Variants in HECW2 observed in about 807,000 individuals in gnomAD.
HECW2 encodes the protein E3 ubiquitin-protein ligase HECW2.
HECW2 carries 61 observed loss-of-function variants against 175.2 expected under a neutral mutation model. The ratio of observed to expected loss-of-function variants is 0.35; its 90% CI spans 0.28 to 0.43. The LOEUF is 0.43. Ranked by LOEUF, HECW2 falls within the 20% of genes least tolerant of loss-of-function variation. The pLI, the probability that HECW2 is intolerant of heterozygous loss-of-function variation, is 1.00. For missense variants in HECW2, 1,524 were observed against 2,000.5 expected (o/e 0.76, Z 4.54); for synonymous variants, 671 against 731.0 (o/e 0.92, Z 1.32).
At chr2:196,339,383 C>T (rs1398360302) in intron 3 of HECW2, among the ~76,000 whole-genome samples, 1 of 152,208 alleles carries the variant, frequency 6.6e-6, no homozygotes, top group Admixed American at 6.5e-5. Flanking sequence ...TTTCCCAGGG[C>T]TGGGATGGGT....
chr2:196,512,832 G>T (rs1688000890), intron 1 of HECW2, among the ~76,000 whole-genome samples: 1 of 151,926 alleles, frequency 6.6e-6, no homozygotes, highest in African/African-American at 2.4e-5. Flanking sequence ...TGGGATTACA[G>T]GTGCACACCA....
intron 16 of HECW2, among the ~76,000 whole-genome samples, chr2:196,272,098 G>C (rs1345239051): frequency 1.3e-5 from 2 of 152,156 alleles, no homozygotes; most frequent in African/African-American, 2.4e-5. Context: ...AGCCAGGGAG[G>C]TAAAGAGGCA....
intron 1 of HECW2, among the ~76,000 whole-genome samples, chr2:196,492,439 A>G (rs1183115736): frequency 2.6e-5 from 4 of 152,182 alleles, no homozygotes. Flanking sequence ...GAATGCCCAA[A>G]CCTGCAACAA....
At chr2:196,585,899 A>G (rs148451251) in intron 1 of HECW2, among the ~76,000 whole-genome samples, 1 of 152,290 alleles carries the variant, frequency 6.6e-6, no homozygotes, top group Non-Finnish European at 1.5e-5. Context: ...GAAAGATCAT[A>G]TCCAACTGTC....
intron 1 of HECW2, among the ~76,000 whole-genome samples, chr2:196,513,492 A>G (rs896533661): frequency 2.0e-5 from 3 of 152,232 alleles, no homozygotes; most frequent in Non-Finnish European, 4.4e-5. Context: ...CCTGGGTGAC[A>G]GAGTGAGACC....
intron 1 of HECW2, among the ~76,000 whole-genome samples, chr2:196,497,142 C>T (rs760746873): frequency 3.5e-4 from 54 of 152,176 alleles, no homozygotes; most frequent in Non-Finnish European, 5.4e-4. Context: ...AATCCCAATT[C>T]TAAGATCTAT....
chr2:196,495,378 A>G (rs1356981010), intron 1 of HECW2, among the ~76,000 whole-genome samples: 1 of 152,074 alleles, frequency 6.6e-6, no homozygotes, highest in Non-Finnish European at 1.5e-5. Context: ...CACTCTTTAT[A>G]CTAGAAACCC....
At chr2:196,558,703 C>A (rs1055493498) in intron 1 of HECW2, among the ~76,000 whole-genome samples, 4 of 152,212 alleles carry the variant, frequency 2.6e-5, no homozygotes, top group Non-Finnish European at 5.9e-5. Context: ...GGCTCTGATC[C>A]AGCTGATGAA....
At chr2:196,472,226 G>A (rs1020666514) in intron 1 of HECW2, among the ~76,000 whole-genome samples, 1 of 152,070 alleles carries the variant, frequency 6.6e-6, no homozygotes, top group African/African-American at 2.4e-5. Context: ...GCTCATGCCT[G>A]TAATCCCAGC....
intron 4 of HECW2, among the ~76,000 whole-genome samples, chr2:196,333,568 T>A (rs10439320): frequency 0.015 from 2,140 of 146,076 alleles, 59 homozygotes; most frequent in African/African-American, 0.056. Context: ...GGAGTCAGTA[T>A]TTTTTCTATG....
intron 2 of HECW2, among the ~76,000 whole-genome samples, chr2:196,426,612 T>C (rs187821056): frequency 6.6e-4 from 100 of 152,200 alleles, no homozygotes; most frequent in East Asian, 9.6e-4. Context: ...ATTAACACTA[T>C]AGCCAATCAT....
intron 14 of HECW2, chr2:196,288,254 A>T (rs758561209): frequency 6.6e-6 from 1 of 152,216 alleles, no homozygotes; most frequent in Admixed American, 6.5e-5. Flanking sequence ...CCCTAGTTTC[A>T]TGATCATGGC....
chr2:196,492,060 G>A (rs1687217611), intron 1 of HECW2, among the ~76,000 whole-genome samples: 3 of 152,136 alleles, frequency 2.0e-5, no homozygotes, highest in East Asian at 3.9e-4. Context: ...TTTAAACATA[G>A]TATACACCAC....
intron 28 of HECW2, among the ~76,000 whole-genome samples, chr2:196,205,146 A>C (rs990392018): frequency 1.3e-5 from 2 of 152,222 alleles, no homozygotes; most frequent in African/African-American, 2.4e-5. Context: ...TTTCCTTCTA[A>C]TAAACTAAAC....
In HECW2 at chr2:196,431,886, T is replaced by C. The variant is rs553946834; in HGVS notation, c.292+1246A>G. ...AACCATTAAGAGTTATATAAGTGAA[T>C]ACAAATCAAATGTTTTTATTTCAGT... On this transcript the variant is annotated intron_variant, in intron 2 of 28. Transcript: ENST00000644978. Among the ~76,000 whole-genome samples, 10 of 152,344 alleles carry C rather than the reference T, an allele frequency of 6.6e-5. No individual in the cohort carries two copies. The East Asian group carries it at 1.7e-3, about 26-fold the overall frequency.
chr2:196,360,284 T>C (rs1693539569), intron 2 of HECW2, among the ~76,000 whole-genome samples: 1 of 152,096 alleles, frequency 6.6e-6, no homozygotes, highest in African/African-American at 2.4e-5. Flanking sequence ...AGCAAAGACA[T>C]GGAATCAACC....
At chr2:196,310,234 A>C (rs1691441156) in intron 10 of HECW2, among the ~76,000 whole-genome samples, 1 of 152,250 alleles carries the variant, frequency 6.6e-6, no homozygotes, top group Non-Finnish European at 1.5e-5. Context: ...TAAGAAAACA[A>C]GGACCAAAAA....
chr2:196,422,952 C>A (rs1030570996), intron 2 of HECW2, among the ~76,000 whole-genome samples: 4 of 152,000 alleles, frequency 2.6e-5, no homozygotes, highest in Admixed American at 1.3e-4. Context: ...TGATTTAGAA[C>A]CTAAATAATA....
intron 21 of HECW2, chr2:196,239,525 T>C (rs1026996320): frequency 6.6e-6 from 1 of 152,232 alleles, no homozygotes; most frequent in Non-Finnish European, 1.5e-5. Context: ...ATTTGTTCAA[T>C]ATCACTAATA....
Sources: gnomAD v4.1 joint callset for allele counts (sites outside exome capture counted in the v4.1 genomes callset) on GRCh38, gnomAD v4.1.1 for gene constraint, MANE v1.5 for transcripts, NCBI Gene and HGNC (gene_info 2026-07-23, HGNC 2026-07-21) for gene names.